Variants in GLDN observed in about 807,000 individuals in gnomAD.
The protein encoded by GLDN is collomin.
In GLDN, 47 loss-of-function variants were observed where a neutral mutation model predicts 56.5. The observed-to-expected ratio is 0.83, with a 90% CI of 0.66 to 1.06. The LOEUF is 1.06. Ranked by LOEUF, GLDN falls within the 50% of genes least tolerant of loss-of-function variation. GLDN has a pLI of 0.00. For synonymous variants in GLDN, 332 were observed against 278.8 expected (o/e 1.19, Z -1.90); for missense variants, 782 against 714.3 (o/e 1.09, Z -1.08).
chr15:51,396,066 C>T (rs536936273), intron 5 of GLDN, among the ~76,000 whole-genome samples: 2 of 152,336 alleles, frequency 1.3e-5, no homozygotes, highest in Admixed American at 6.5e-5. Flanking sequence ...CCACCTCCAA[C>T]ACTGGGGATT....
Position 51,341,984 on chromosome 15 carries a change from C to T in GLDN, c.300C>T (p.Pro100=), listed in dbSNP as rs747797109. 6.3e-7 allele frequency: 1 copy of T among 1,597,650 alleles called. No homozygotes were observed. Among genetic ancestry groups the T allele is most frequent in the Non-Finnish European group, 8.5e-7 (1 of 1,179,522 alleles). The change falls in exon 1 of 10, where the codon CCC becomes CCT. Residue 100 remains proline (P), a synonymous_variant. Coordinates refer to ENST00000335449, the MANE Select transcript of GLDN (RefSeq NM_181789.4). ...ARNKRSHSGE[P]APHIRAESHD... is the part of the protein sequence containing the mutation. ...ACAAGCGCAGCCACAGCGGCGAGCCCGCGCCGCATATCCGCGCCGAGAGCC... is the reference window on the plus strand; with the variant it reads ...ACAAGCGCAGCCACAGCGGCGAGCCTGCGCCGCATATCCGCGCCGAGAGCC...
At chr15:51,397,028 A>G (rs1466935469) in intron 5 of GLDN, among the ~76,000 whole-genome samples, 1 of 152,164 alleles carries the variant, frequency 6.6e-6, no homozygotes, top group Non-Finnish European at 1.5e-5. Flanking sequence ...GTGATGACAA[A>G]CCCTTCAGAA....
intron 2 of GLDN, among the ~76,000 whole-genome samples, chr15:51,381,599 C>A (rs1595824298): frequency 6.6e-6 from 1 of 152,046 alleles, no homozygotes; most frequent in African/African-American, 2.4e-5. Flanking sequence ...TATTGCAGGC[C>A]CCCTGTTATC....
chr15:51,342,289 T>G (rs2446422), intron 1 of GLDN, among the ~76,000 whole-genome samples: 9,635 of 152,314 alleles, frequency 0.063, 514 homozygotes, highest in East Asian at 0.29. Context: ...TGACATTCTT[T>G]GAGTCCACAT....
chr15:51,362,673 A>G (rs1275602117), intron 1 of GLDN, among the ~76,000 whole-genome samples: 1 of 152,070 alleles, frequency 6.6e-6, no homozygotes, highest in African/African-American at 2.4e-5. Flanking sequence ...TTCTCAGTGA[A>G]TCACTCTGAC....
At chr15:51,393,351 C>T (rs2038060347) in intron 4 of GLDN, among the ~76,000 whole-genome samples, 1 of 152,160 alleles carries the variant, frequency 6.6e-6, no homozygotes, top group Non-Finnish European at 1.5e-5. Flanking sequence ...AGCCTTTAAC[C>T]TGGGGCTAAT....
At chr15:51,366,940 A>G (rs1187825648) in intron 1 of GLDN, among the ~76,000 whole-genome samples, 1 of 152,250 alleles carries the variant, frequency 6.6e-6, no homozygotes, top group Non-Finnish European at 1.5e-5. Context: ...TTGACATTTA[A>G]ATCATGACCA....
At position 51,395,004 on chromosome 15, in the gene GLDN, C is replaced by G. The variant is rs776979612; in HGVS notation, c.688+23C>G. ...CAGGTAAGAGGGGTACGCTGTGGCT[C>G]TCTTTGAGGGCTTGTGCGCCCAGAG... On this transcript the variant is annotated intron_variant, in intron 5 of 9. Transcript: ENST00000335449. 3.2e-6 allele frequency: 5 copies of G among 1,552,722 alleles called. No individual in the cohort carries two copies. In the African/African-American group the frequency reaches 5.5e-5, roughly 17 times the overall value.
downstream of GLDN, among the ~76,000 whole-genome samples, chr15:51,411,225 A>T (rs144386732): frequency 3.9e-4 from 59 of 152,340 alleles, no homozygotes; most frequent in African/African-American, 1.3e-3. Flanking sequence ...CGCTCCTTAC[A>T]CCTCCAGCTT....
At chr15:51,344,965 A>G (rs2036952003) in intron 1 of GLDN, among the ~76,000 whole-genome samples, 2 of 152,226 alleles carry the variant, frequency 1.3e-5, no homozygotes, top group South Asian at 4.1e-4. Context: ...CCATGTGCAT[A>G]CTTTTGGGAG....
chr15:51,361,170 G>A (rs2037293249), intron 1 of GLDN, among the ~76,000 whole-genome samples: 1 of 152,154 alleles, frequency 6.6e-6, no homozygotes, highest in Non-Finnish European at 1.5e-5. Flanking sequence ...GAAGACAAGT[G>A]ATTCTCAGCT....
At chr15:51,386,770 G>T (rs1201018072) in intron 4 of GLDN, among the ~76,000 whole-genome samples, 1 of 152,180 alleles carries the variant, frequency 6.6e-6, no homozygotes, top group East Asian at 1.9e-4. Flanking sequence ...GTGGACAGTG[G>T]ATACAGGGAG....
rs1435430331 is a variant in GLDN at position 51,405,877 on chromosome 15, T to C, written c.*1123T>C. On this transcript the variant is annotated 3_prime_UTR_variant, in exon 10 of 10. Transcript: ENST00000335449. ...TTTGTTTATGCAGTACGGCCTGACA[T>C]TGCTTTTGCTCTGCAACAGCAGAGT... 1 of 152,202 alleles carries C rather than the reference T, an allele frequency of 6.6e-6. No homozygotes were observed. The allele number at this position is 152,202 out of a possible 1,614,324, so 9.4% of individuals were successfully genotyped here. A position where few individuals can be genotyped will look rare whatever the true frequency, so the allele number is the denominator to read the frequency against.
intron 1 of GLDN, among the ~76,000 whole-genome samples, chr15:51,350,704 G>A (rs2037060656): frequency 6.6e-6 from 1 of 152,162 alleles, no homozygotes; most frequent in South Asian, 2.1e-4. Flanking sequence ...AAGACAGGAG[G>A]GAGCTGGCCC....
At chr15:51,342,173 A>C in intron 1 of GLDN, 126 bp downstream of exon 1, 1 of 1,224,348 alleles carries the variant, frequency 8.2e-7, no homozygotes, top group South Asian at 1.3e-5. Context: ...GGCTGTGGGC[A>C]TGAGTAGCTG....
intron 9 of GLDN, among the ~76,000 whole-genome samples, chr15:51,403,744 T>C (rs961721830): frequency 1.3e-5 from 2 of 152,172 alleles, no homozygotes; most frequent in Non-Finnish European, 2.9e-5. Flanking sequence ...TTTTTTAAAA[T>C]TTCAGCAGGG....
Position 51,401,598 on chromosome 15 carries a change from A to G in GLDN, c.1033A>G (p.Met345Val). ...IWVTEHFSGIMVKEFKDQPSL... is the reference protein window; with the variant it reads ...IWVTEHFSGIVVKEFKDQPSL... Reference sequence around the variant, plus strand: ...CCCTGGCTTCCCTCCTACAGGCATCATGGTTAAGGAATTCAAGGATCAGCC... The same window carrying G: ...CCCTGGCTTCCCTCCTACAGGCATCGTGGTTAAGGAATTCAAGGATCAGCC... Residue 345 changes from methionine (M) to valine (V), a missense_variant, in exon 9 of 10, where the codon ATG becomes GTG. Coordinates refer to ENST00000335449, the MANE Select transcript of GLDN (RefSeq NM_181789.4). The G allele has an allele frequency of 6.2e-7, 1 of 1,613,148 alleles. No individual in the cohort carries two copies. The highest frequency in any genetic ancestry group is 8.5e-7 in the Non-Finnish European group (1 of 1,179,498).
chr15:51,409,255 G>T (rs1243073323), downstream of GLDN, among the ~76,000 whole-genome samples: 1 of 151,766 alleles, frequency 6.6e-6, no homozygotes, highest in Non-Finnish European at 1.5e-5. Flanking sequence ...TGAAAAAATG[G>T]TTCAAGTACC....
chr15:51,387,921 T>A (rs1003596285), intron 4 of GLDN, among the ~76,000 whole-genome samples: 10 of 152,180 alleles, frequency 6.6e-5, no homozygotes, highest in African/African-American at 2.4e-4. Flanking sequence ...TGAATACTTT[T>A]GTTAGCCATA....
Sources: allele counts gnomAD v4.1 joint callset (sites outside exome capture counted in the v4.1 genomes callset), GRCh38; gene constraint gnomAD v4.1.1; transcripts MANE v1.5; gene names NCBI Gene and HGNC (gene_info 2026-07-23, HGNC 2026-07-21).